The following PCDH15 variants were observed in gnomAD, a reference collection of about 807,000 sequenced individuals.
The protein encoded by PCDH15 is protocadherin-15.
A neutral mutation model predicts 178.5 loss-of-function variants in PCDH15; 129 were observed. The ratio of observed to expected loss-of-function variants is 0.72; its 90% CI spans 0.63 to 0.84. The LOEUF is 0.84. Ranked by LOEUF, PCDH15 falls within the 40% of genes least tolerant of loss-of-function variation. PCDH15 has a pLI of 0.00. For synonymous variants in PCDH15, 800 were observed against 732.0 expected, an observed-to-expected ratio of 1.09 and a Z score of -1.50; for missense variants, 2,230 against 2,099.9, an observed-to-expected ratio of 1.06 and a Z score of -1.21.
intron 3 of PCDH15, among the ~76,000 whole-genome samples, chr10:54,825,019 C>T (rs1227113770): frequency 1.3e-5 from 2 of 152,044 alleles, no homozygotes; most frequent in South Asian, 2.1e-4. Context: ...GCTATCCCTC[C>T]CCCCTCCTCC....
chr10:54,104,642 C>G (rs1441650435), intron 15 of PCDH15, among the ~76,000 whole-genome samples: 11 of 150,716 alleles, frequency 7.3e-5, no homozygotes. Flanking sequence ...TCGAGACCAT[C>G]CTGGTTGATA....
chr10:54,710,173 G>A (rs979598057), intron 1 of PCDH15, among the ~76,000 whole-genome samples: 1 of 151,736 alleles, frequency 6.6e-6, no homozygotes, highest in Non-Finnish European at 1.5e-5. Flanking sequence ...TCCTCTAATT[G>A]TATTCATTCA....
chr10:54,062,258 AACAAC>A (rs2094043448), intron 18 of PCDH15, among the ~76,000 whole-genome samples: 6 of 106,630 alleles, frequency 5.6e-5, no homozygotes, highest in Admixed American at 1.1e-4. Flanking sequence ...AAAAACAAAA[AACAAC>A]TAAATGAAAA....
At chr10:54,647,938 T>C (rs368878011) in intron 2 of PCDH15, among the ~76,000 whole-genome samples, 22 of 151,920 alleles carry the variant, frequency 1.4e-4, no homozygotes, top group Non-Finnish European at 2.7e-4. Context: ...ACAAAACAAA[T>C]AAAAAACACT....
chr10:54,510,987 C>T (rs1482354184), intron 3 of PCDH15, among the ~76,000 whole-genome samples: 6 of 152,100 alleles, frequency 3.9e-5, no homozygotes, highest in Non-Finnish European at 5.9e-5. Context: ...TATCCACTTT[C>T]AGAGTGATGG....
chr10:53,835,044 G>A (rs141485492), intron 29 of PCDH15, among the ~76,000 whole-genome samples: 1 of 152,096 alleles, frequency 6.6e-6, no homozygotes, highest in Non-Finnish European at 1.5e-5. Flanking sequence ...AGCAAATCAT[G>A]GTTAGATCAT....
intron 2 of PCDH15, among the ~76,000 whole-genome samples, chr10:54,598,135 G>T (rs2092333364): frequency 6.6e-6 from 1 of 152,012 alleles, no homozygotes; most frequent in Non-Finnish European, 1.5e-5. Flanking sequence ...ATTCTATGAG[G>T]CCAGTATCAT....
chr10:54,681,156 GGTGCCACTTACTGGAAT>G (rs2094891726), intron 1 of PCDH15, among the ~76,000 whole-genome samples: 1 of 152,098 alleles, frequency 6.6e-6, no homozygotes, highest in East Asian at 1.9e-4. Context: ...AGAGAATGGA[GGTGCCACTTACTGGAAT>G]GTGATCCTCC....
intron 10 of PCDH15, among the ~76,000 whole-genome samples, chr10:54,198,942 G>A (rs1321356577): frequency 6.6e-6 from 1 of 152,010 alleles, no homozygotes; most frequent in Non-Finnish European, 1.5e-5. Flanking sequence ...AATGAAATAA[G>A]CTTACATTTT....
At chr10:54,187,349 T>C (rs2048567992) in intron 11 of PCDH15, among the ~76,000 whole-genome samples, 2 of 151,940 alleles carry the variant, frequency 1.3e-5, no homozygotes, top group African/African-American at 4.8e-5. Flanking sequence ...GTGTCAAGTA[T>C]TTCGATAATG....
At chr10:54,240,793 G>A (rs573119021) in intron 8 of PCDH15, among the ~76,000 whole-genome samples, 232 of 151,708 alleles carry the variant, frequency 1.5e-3, no homozygotes, top group Middle Eastern at 0.014. Context: ...CACCACGCCC[G>A]GCTAATATTT....
At chr10:54,484,735 C>G (rs1440662256) in intron 3 of PCDH15, among the ~76,000 whole-genome samples, 6 of 151,630 alleles carry the variant, frequency 4.0e-5, no homozygotes, top group Admixed American at 1.3e-4. Flanking sequence ...AAACAGAAAT[C>G]GAACGACAAT....
At chr10:54,706,195 T>C (rs1435634473) in intron 1 of PCDH15, among the ~76,000 whole-genome samples, 2 of 152,182 alleles carry the variant, frequency 1.3e-5, no homozygotes, top group Non-Finnish European at 2.9e-5. Flanking sequence ...TTCCAAATAG[T>C]TTTCATGATA....
At chr10:55,420,505 C>T (rs1275771348) in intron 2 of PCDH15, among the ~76,000 whole-genome samples, 1 of 151,262 alleles carries the variant, frequency 6.6e-6, no homozygotes, top group Non-Finnish European at 1.5e-5. Flanking sequence ...CATATAGTTG[C>T]CTTGTCTGCA....
intron 18 of PCDH15, among the ~76,000 whole-genome samples, chr10:54,039,845 C>T (rs914534161): frequency 6.6e-6 from 1 of 151,864 alleles, no homozygotes; most frequent in Non-Finnish European, 1.5e-5. Flanking sequence ...CATCTATTGC[C>T]ATCAGTTTTC....
At chr10:55,141,874 T>C (rs1838362186) in intron 2 of PCDH15, among the ~76,000 whole-genome samples, 1 of 151,586 alleles carries the variant, frequency 6.6e-6, no homozygotes, top group South Asian at 2.1e-4. Flanking sequence ...TTTTTTTACA[T>C]TCTTTAATTT....
intron 2 of PCDH15, among the ~76,000 whole-genome samples, chr10:55,563,658 T>C (rs1842244732): frequency 6.7e-6 from 1 of 149,500 alleles, no homozygotes; most frequent in South Asian, 2.1e-4. Flanking sequence ...CGAGAAAGAC[T>C]TGATGGTAGA....
chr10:55,334,926 C>T (rs947920078), intron 2 of PCDH15, among the ~76,000 whole-genome samples: 4 of 152,036 alleles, frequency 2.6e-5, no homozygotes, highest in African/African-American at 9.7e-5. Flanking sequence ...CATATGTAGT[C>T]CCTGTATTTT....
chr10:54,898,771 A>T (rs1954589555), intron 2 of PCDH15, among the ~76,000 whole-genome samples: 1 of 152,180 alleles, frequency 6.6e-6, no homozygotes, highest in Non-Finnish European at 1.5e-5. Flanking sequence ...GAATATATAG[A>T]TAACATGTAG....
Sources: allele counts gnomAD v4.1 joint callset (sites outside exome capture counted in the v4.1 genomes callset), GRCh38; gene constraint gnomAD v4.1.1; transcripts MANE v1.5; gene names NCBI Gene and HGNC (gene_info 2026-07-23, HGNC 2026-07-21).